Variants in MRTFB observed in about 807,000 individuals in gnomAD.
MRTFB encodes myocardin-related transcription factor B.
Under a neutral mutation model 104.2 loss-of-function variants are expected in MRTFB, and 29 were observed. The ratio of observed to expected loss-of-function variants is 0.28; its 90% CI spans 0.21 to 0.38. MRTFB has a LOEUF of 0.38. Among genes scored for constraint, MRTFB ranks in the 10% least tolerant of loss-of-function variants. The pLI, the probability that MRTFB is intolerant of heterozygous loss-of-function variation, is 1.00. For synonymous variants in MRTFB, 535 were observed against 519.5 expected, an observed-to-expected ratio of 1.03 and a Z score of -0.41; for missense variants, 1,270 against 1,341.6, an observed-to-expected ratio of 0.95 and a Z score of 0.83.
intron 2 of MRTFB, among the ~76,000 whole-genome samples, chr16:14,100,548 T>C (rs1382590688): frequency 6.6e-6 from 1 of 152,206 alleles, no homozygotes; most frequent in African/African-American, 2.4e-5. Context: ...GAGCCTCTTC[T>C]AGTGTCTTTG....
At position 14,213,476 on chromosome 16, in the gene MRTFB, C is replaced by T; in HGVS notation, c.277-69C>T. 7.2e-6 allele frequency: 8 copies of T among 1,112,184 alleles called. No homozygotes were observed. In the South Asian group the frequency reaches 1.1e-4, roughly 16 times the overall value. 68.9% of individuals were successfully genotyped at this position (1,112,184 alleles called of 1,614,324 possible). ...GCGTATCGTTTATTTAAATGGAATA[C>T]CTTAAAGAACATTTAAAACCACAAT... On this transcript the variant is annotated intron_variant, in intron 5 of 16. Transcript: ENST00000571589.
At chr16:14,176,301 A>T (rs2039581368) in intron 3 of MRTFB, among the ~76,000 whole-genome samples, 1 of 152,258 alleles carries the variant, frequency 6.6e-6, no homozygotes, top group Non-Finnish European at 1.5e-5. Context: ...GAATAAGATA[A>T]ATGAGATACA....
the MRTFB span, among the ~76,000 whole-genome samples, chr16:14,034,828 C>G: frequency 6.6e-6 from 1 of 152,166 alleles, no homozygotes; most frequent in African/African-American, 2.4e-5. Flanking sequence ...ACTTCACCAT[C>G]TCTTGTGAGG....
At chr16:14,011,864 T>C in the MRTFB span, among the ~76,000 whole-genome samples, 1 of 152,166 alleles carries the variant, frequency 6.6e-6, no homozygotes, top group African/African-American at 2.4e-5. Flanking sequence ...AGAGTGAGAC[T>C]CCGTCTCACA....
chr16:14,235,207 T>C (rs1241775284), intron 9 of MRTFB, among the ~76,000 whole-genome samples: 1 of 152,234 alleles, frequency 6.6e-6, no homozygotes, highest in Non-Finnish European at 1.5e-5. Flanking sequence ...TCGCCGGGAC[T>C]GTCCCTGTCC....
the MRTFB span, among the ~76,000 whole-genome samples, chr16:14,025,720 T>G: frequency 6.6e-6 from 1 of 152,050 alleles, no homozygotes; most frequent in East Asian, 1.9e-4. Context: ...GGAAGAGCAA[T>G]AAGGAATCTA....
At chr16:14,242,434 G>T (rs2042814072) in intron 10 of MRTFB, among the ~76,000 whole-genome samples, 2 of 152,172 alleles carry the variant, frequency 1.3e-5, no homozygotes, top group South Asian at 4.1e-4. Flanking sequence ...ACCACAAAAA[G>T]AATATAAGTC....
intron 3 of MRTFB, among the ~76,000 whole-genome samples, chr16:14,182,620 G>T (rs151146274): frequency 1.8e-3 from 269 of 152,260 alleles, no homozygotes; most frequent in African/African-American, 6.0e-3. Context: ...CTGCAGAGAA[G>T]GCCTGGGAAC....
chr16:14,121,552 G>T (rs2036844894), intron 2 of MRTFB, among the ~76,000 whole-genome samples: 1 of 152,168 alleles, frequency 6.6e-6, no homozygotes, highest in African/African-American at 2.4e-5. Flanking sequence ...TACTTAGATT[G>T]TTAACCTCTT....
chr16:14,178,351 G>C (rs1326903220), intron 3 of MRTFB, among the ~76,000 whole-genome samples: 1 of 152,162 alleles, frequency 6.6e-6, no homozygotes, highest in Non-Finnish European at 1.5e-5. Flanking sequence ...AAATGAAAAT[G>C]CTTTGTGGAA....
intron 3 of MRTFB, among the ~76,000 whole-genome samples, chr16:14,153,781 G>A (rs763528488): frequency 1.3e-5 from 2 of 152,102 alleles, no homozygotes; most frequent in Non-Finnish European, 2.9e-5. Flanking sequence ...ATGTACTTTT[G>A]AGGGTTATAT....
chr16:14,029,855 G>C, the MRTFB span, among the ~76,000 whole-genome samples: 6 of 152,216 alleles, frequency 3.9e-5, no homozygotes, highest in Admixed American at 3.9e-4. Context: ...CACAGAGACT[G>C]GCTATCTGGG....
chr16:14,026,808 A>G, the MRTFB span, among the ~76,000 whole-genome samples: 2 of 152,222 alleles, frequency 1.3e-5, no homozygotes, highest in Non-Finnish European at 2.9e-5. Flanking sequence ...GATGTTCAAC[A>G]TCTTTGGCTA....
At chr16:14,059,643 G>A in the MRTFB span, among the ~76,000 whole-genome samples, 2 of 152,164 alleles carry the variant, frequency 1.3e-5, no homozygotes, top group African/African-American at 4.8e-5. Context: ...GATTATGCCT[G>A]CAAACCATGA....
At chr16:14,171,879 G>A (rs530686605) in intron 3 of MRTFB, among the ~76,000 whole-genome samples, 2 of 152,084 alleles carry the variant, frequency 1.3e-5, no homozygotes, top group South Asian at 4.2e-4. Context: ...TATCCTTTTT[G>A]GTTTTAGCCT....
chr16:14,150,638 A>C (rs1436007930), intron 3 of MRTFB, among the ~76,000 whole-genome samples: 9 of 152,182 alleles, frequency 5.9e-5, no homozygotes, highest in Non-Finnish European at 1.5e-5. Context: ...GTTCAAGACC[A>C]GCTTGGACAA....
intron 8 of MRTFB, among the ~76,000 whole-genome samples, chr16:14,223,450 T>G (rs533374651): frequency 6.6e-6 from 1 of 151,822 alleles, no homozygotes; most frequent in Non-Finnish European, 1.5e-5. Context: ...ACTCAAAAAC[T>G]AAAAGAAAGA....
the MRTFB span, among the ~76,000 whole-genome samples, chr16:14,023,602 CACACACACATACATAT>C: frequency 8.4e-5 from 8 of 94,826 alleles, no homozygotes; most frequent in African/African-American, 3.5e-4. Context: ...CACACACACA[CACACACACATACATAT>C]ACATATACAT....
the MRTFB span, among the ~76,000 whole-genome samples, chr16:14,035,055 A>T: frequency 6.6e-6 from 1 of 152,150 alleles, no homozygotes; most frequent in Non-Finnish European, 1.5e-5. Flanking sequence ...CCTGGCCTTG[A>T]GCTTTTGGAG....
Sources: gnomAD v4.1 joint callset for allele counts (sites outside exome capture counted in the v4.1 genomes callset) on GRCh38, gnomAD v4.1.1 for gene constraint, MANE v1.5 for transcripts, NCBI Gene and HGNC (gene_info 2026-07-23, HGNC 2026-07-21) for gene names.